PRTFDC1: variants seen among roughly 807,000 people sequenced by gnomAD.
PRTFDC1 encodes the protein phosphoribosyl transferase domain containing 1.
Under a neutral mutation model 34.6 loss-of-function variants are expected in PRTFDC1, and 38 were observed. The observed-to-expected ratio is 1.10, with a 90% confidence interval of 0.85 to 1.44. The LOEUF (loss-of-function observed/expected upper bound fraction) is 1.44. Among genes scored for constraint, PRTFDC1 ranks in the 40% most tolerant of loss-of-function variants. PRTFDC1 has a pLI of 0.00. For missense variants in PRTFDC1, 270 were observed against 283.0 expected (o/e 0.95, Z 0.33); for synonymous variants, 93 against 98.1 (o/e 0.95, Z 0.31).
intron 3 of PRTFDC1, among the ~76,000 whole-genome samples, chr10:24,890,831 A>C (rs1204370261): frequency 6.6e-6 from 1 of 152,216 alleles, no homozygotes; most frequent in Non-Finnish European, 1.5e-5. Flanking sequence ...AGCCCTTGGC[A>C]CTTATATGGG....
chr10:24,906,579 C>T (rs1396766638), intron 3 of PRTFDC1, among the ~76,000 whole-genome samples: 1 of 151,542 alleles, frequency 6.6e-6, no homozygotes, highest in Non-Finnish European at 1.5e-5. Flanking sequence ...AAAGAGCACT[C>T]CCTTGAAAAA....
In PRTFDC1 at chr10:24,878,439, C is replaced by A. The variant is rs186628649; in HGVS notation, c.340-6376G>T. On this transcript the variant is annotated intron_variant, in intron 3 of 8. Transcript: ENST00000320152. ...GTGGGTCCTCCCTGGAGAGGAACAC[C>A]AAGGGGTGCAGGATCTGGCTGCATC... Among the ~76,000 whole-genome samples the A allele has an allele frequency of 1.4e-3, 219 of 152,188 alleles. 1 individual carries two copies. The highest frequency in any genetic ancestry group is 1.8e-3 in the Non-Finnish European group (125 of 68,006).
rs562408441 is a variant in PRTFDC1, at chr10:24,895,777, G to C, written c.340-23714C>G. Among the ~76,000 whole-genome samples the C allele has an allele frequency of 1.1e-3, 157 of 140,340 alleles. 1 individual carries two copies. The highest frequency in any genetic ancestry group is 3.9e-3 in the African/African-American group (147 of 38,032). 92.1% of individuals were successfully genotyped at this position (140,340 alleles called of 152,430 possible). The stretch of plus-strand genomic sequence containing the variant: ...CACACATTCTCTATCCATATATCTA[G>C]AGAGGGAGACTGATTAAAAAATGGA... On this transcript the variant is annotated intron_variant, in intron 3 of 8. Transcript: ENST00000320152.
At chr10:24,914,254 G>A (rs540863027) in intron 3 of PRTFDC1, among the ~76,000 whole-genome samples, 1 of 152,232 alleles carries the variant, frequency 6.6e-6, no homozygotes, top group African/African-American at 2.4e-5. Context: ...TCAAGAGTGA[G>A]GAATGTGACT....
intron 3 of PRTFDC1, among the ~76,000 whole-genome samples, chr10:24,930,756 G>C (rs989723534): frequency 6.6e-6 from 1 of 151,960 alleles, no homozygotes; most frequent in Non-Finnish European, 1.5e-5. Flanking sequence ...AATATAATAA[G>C]GCTGCCTGTT....
chr10:24,882,216 AAAAG>A (rs1848090639), intron 3 of PRTFDC1, among the ~76,000 whole-genome samples: 2 of 116,008 alleles, frequency 1.7e-5, no homozygotes, highest in Non-Finnish European at 4.3e-5. Context: ...AAAAAAAAAA[AAAAG>A]AAAAGAAAAG....
intron 3 of PRTFDC1, among the ~76,000 whole-genome samples, chr10:24,872,529 G>A (rs535368399): frequency 1.1e-4 from 16 of 151,862 alleles, no homozygotes; most frequent in African/African-American, 3.1e-4. Flanking sequence ...TCTACTCCCC[G>A]CCATTGGAGA....
chr10:24,951,462 G>T, intron 1 of PRTFDC1: 2 of 665,826 alleles, frequency 3.0e-6, no homozygotes, highest in Non-Finnish European at 3.7e-6. Flanking sequence ...AGAAGGAAAG[G>T]TCCTGCTGTT....
At chr10:24,851,356 AG>A in intron 8 of PRTFDC1, 31 bp downstream of exon 8, 1 of 1,586,022 alleles carries the variant, frequency 6.3e-7, no homozygotes, top group Non-Finnish European at 8.5e-7. Context: ...TCTTATAAAA[AG>A]GGCGGTTAGG....
chr10:24,872,075 A>T lies in PRTFDC1; in HGVS notation c.340-12T>A, dbSNP rs745437645. The T allele has an allele frequency of 4.4e-6, 7 of 1,597,284 alleles. No individual in the cohort carries two copies. Among genetic ancestry groups the T allele is most frequent in the Non-Finnish European group, 5.1e-6 (6 of 1,166,792 alleles). ...ATGGACTGGTCATTCTGCAAAAAAG[A>T]AGAAAAAAAAGGGAGACAATTTTAC... On this transcript the variant is annotated splice_polypyrimidine_tract_variant and intron_variant, in intron 3 of 8. Coordinates refer to ENST00000320152, the MANE Select transcript of PRTFDC1 (RefSeq NM_020200.7).
Position 24,933,295 on chromosome 10 carries a change from A to G in PRTFDC1, c.339+3889T>C, listed in dbSNP as rs1042860548. Reference sequence around the variant, plus strand: ...AAAAATTTTTTAATAATGCTCTTTGAAAAACAAAATGAAAAAACCTCACTG... The same window carrying G: ...AAAAATTTTTTAATAATGCTCTTTGGAAAACAAAATGAAAAAACCTCACTG... On this transcript the variant is annotated intron_variant, in intron 3 of 8. Transcript: ENST00000320152. 3.3e-5 allele frequency among the ~76,000 whole-genome samples: 5 copies of G among 152,206 alleles called. No individual in the cohort carries two copies. The South Asian group carries it at 6.2e-4, about 19-fold the overall frequency.
At chr10:24,890,858 A>G (rs12241855) in intron 3 of PRTFDC1, among the ~76,000 whole-genome samples, 7,144 of 152,284 alleles carry the variant, frequency 0.047, 261 homozygotes, top group African/African-American at 0.11. Context: ...CTCAAAAGGC[A>G]CCATCAGCAA....
intron 3 of PRTFDC1, among the ~76,000 whole-genome samples, chr10:24,927,369 G>A (rs993506765): frequency 1.3e-5 from 2 of 152,074 alleles, no homozygotes; most frequent in African/African-American, 4.8e-5. Context: ...AAATACTTCT[G>A]ATTAATTTTT....
intron 3 of PRTFDC1, among the ~76,000 whole-genome samples, chr10:24,879,502 C>A (rs981990562): frequency 1.3e-5 from 2 of 152,078 alleles, no homozygotes; most frequent in Non-Finnish European, 2.9e-5. Flanking sequence ...TGCCACCATG[C>A]CCGGCTGATT....
intron 3 of PRTFDC1, among the ~76,000 whole-genome samples, chr10:24,878,270 T>TA (rs753270351): frequency 0.022 from 3,199 of 142,388 alleles, 116 homozygotes; most frequent in African/African-American, 0.076. Flanking sequence ...AAGACTGTAT[T>TA]AAAAAAAAAA....
At chr10:24,908,603 G>C (rs1458705138) in intron 3 of PRTFDC1, 2 of 1,612,774 alleles carry the variant, frequency 1.2e-6, no homozygotes, top group African/African-American at 1.3e-5. Context: ...TTCTTGCAGG[G>C]GAGCACAGCT....
chr10:24,940,834 C>T lies in PRTFDC1; in HGVS notation c.155+1496G>A, dbSNP rs149848917. On this transcript the variant is annotated intron_variant, in intron 2 of 8. Transcript: ENST00000320152. Reference sequence around the variant, plus strand: ...AATTAGCTATTGTACGATTTTCTTACGCAAAATGGCCAGAAAAGACAAATT... The same window carrying T: ...AATTAGCTATTGTACGATTTTCTTATGCAAAATGGCCAGAAAAGACAAATT... Among the ~76,000 whole-genome samples, 562 of 152,194 alleles carry T rather than the reference C, an allele frequency of 3.7e-3. 2 individuals are homozygous for T. The highest frequency in any genetic ancestry group is 0.012 in the African/African-American group (507 of 41,532).
At chr10:24,855,264 C>A in intron 7 of PRTFDC1, 54 bp downstream of exon 7, 14 of 1,526,446 alleles carry the variant, frequency 9.2e-6, no homozygotes, top group Non-Finnish European at 1.2e-5. Flanking sequence ...TAAAATGAAA[C>A]ACCATAAGCA....
At chr10:24,939,649 C>T (rs1352559519) in intron 2 of PRTFDC1, among the ~76,000 whole-genome samples, 3 of 151,600 alleles carry the variant, frequency 2.0e-5, no homozygotes, top group African/African-American at 7.3e-5. Context: ...AAAAAATTAG[C>T]CAGGTGTGGT....
Sources: gnomAD v4.1 joint callset for allele counts (sites outside exome capture counted in the v4.1 genomes callset) on GRCh38, gnomAD v4.1.1 for gene constraint, MANE v1.5 for transcripts, NCBI Gene and HGNC (gene_info 2026-07-23, HGNC 2026-07-21) for gene names.